Variants in ARHGAP24 observed in about 807,000 individuals in gnomAD.
The protein encoded by ARHGAP24 is Rho GTPase activating protein 24, also known as rho GTPase-activating protein 24.
In ARHGAP24, 50 loss-of-function variants were observed where a neutral mutation model predicts 76.4. That is an observed-to-expected ratio of 0.65 (90% CI 0.52 to 0.83). The LOEUF is 0.83. Among genes scored for constraint, ARHGAP24 ranks in the 40% least tolerant of loss-of-function variants. The pLI, the probability that ARHGAP24 is intolerant of heterozygous loss-of-function variation, is 0.00. For synonymous variants in ARHGAP24, 345 were observed against 323.3 expected (o/e 1.07, Z -0.72); for missense variants, 930 against 914.2 (o/e 1.02, Z -0.22).
chr4:85,826,167 G>A (rs779474846), intron 3 of ARHGAP24, among the ~76,000 whole-genome samples: 2 of 151,496 alleles, frequency 1.3e-5, no homozygotes, highest in Non-Finnish European at 2.9e-5. Flanking sequence ...TCCACAACTC[G>A]ACCTCTAAAA....
intron 2 of ARHGAP24, among the ~76,000 whole-genome samples, chr4:85,664,405 C>G (rs973888469): frequency 5.3e-5 from 8 of 151,060 alleles, no homozygotes; most frequent in African/African-American, 2.0e-4. Context: ...TCTCTCTTTT[C>G]TTCTGTATTA....
At chr4:85,685,237 T>G (rs192479297) in intron 2 of ARHGAP24, among the ~76,000 whole-genome samples, 1 of 152,308 alleles carries the variant, frequency 6.6e-6, no homozygotes, top group East Asian at 1.9e-4. Context: ...TTCAACCTTA[T>G]AACTCCTGCC....
At chr4:85,586,306 T>C (rs1277567759) in intron 2 of ARHGAP24, among the ~76,000 whole-genome samples, 2 of 152,166 alleles carry the variant, frequency 1.3e-5, no homozygotes, top group Non-Finnish European at 2.9e-5. Flanking sequence ...AAAGGAATCT[T>C]TGTTCATACT....
intron 1 of ARHGAP24, among the ~76,000 whole-genome samples, chr4:85,540,057 T>C (rs1453464967): frequency 1.3e-5 from 2 of 151,640 alleles, no homozygotes; most frequent in Non-Finnish European, 2.9e-5. Flanking sequence ...AATAAATAAA[T>C]ACATAATAAA....
chr4:85,622,358 G>C (rs1030129195), intron 2 of ARHGAP24, among the ~76,000 whole-genome samples: 1 of 148,532 alleles, frequency 6.7e-6, no homozygotes, highest in Non-Finnish European at 1.5e-5. Context: ...TTGGTTTTTT[G>C]TCCTTGCGAT....
chr4:85,875,040 T>TTATGTATATATAATATATTA (rs554669913), intron 3 of ARHGAP24, among the ~76,000 whole-genome samples: 1 of 42,858 alleles, frequency 2.3e-5, no homozygotes, highest in Non-Finnish European at 3.9e-5. Context: ...ATATACTATA[T>TTATGTATATATAATATATTA]TATTTATATA....
chr4:85,670,867 T>C (rs569811458), intron 2 of ARHGAP24, among the ~76,000 whole-genome samples: 9 of 152,206 alleles, frequency 5.9e-5, no homozygotes, highest in South Asian at 2.1e-4. Flanking sequence ...CTCAGGCAGT[T>C]CTCAAACAGG....
intron 3 of ARHGAP24, among the ~76,000 whole-genome samples, chr4:85,873,538 G>A (rs1732659321): frequency 6.6e-6 from 1 of 152,190 alleles, no homozygotes; most frequent in African/African-American, 2.4e-5. Context: ...AGCTCATACG[G>A]TAGTAGAGGC....
At chr4:85,685,563 G>A (rs1456722869) in intron 2 of ARHGAP24, among the ~76,000 whole-genome samples, 2 of 151,420 alleles carry the variant, frequency 1.3e-5, no homozygotes, top group African/African-American at 2.4e-5. Context: ...AACCCAGGAG[G>A]TGGAGTTTGC....
intron 2 of ARHGAP24, among the ~76,000 whole-genome samples, chr4:85,721,022 G>A (rs770426232): frequency 7.9e-5 from 12 of 152,114 alleles, no homozygotes; most frequent in Admixed American, 7.2e-4. Context: ...GGAAGTCAAA[G>A]TACTTTTTTT....
chr4:85,641,449 A>T (rs1248642414), intron 2 of ARHGAP24, among the ~76,000 whole-genome samples: 1 of 152,180 alleles, frequency 6.6e-6, no homozygotes, highest in African/African-American at 2.4e-5. Flanking sequence ...AGGTATTTTC[A>T]GGGTTGATTC....
chr4:85,648,966 CACATATGTGCATTCAG>C (rs1222319809), intron 2 of ARHGAP24, among the ~76,000 whole-genome samples: 6 of 151,720 alleles, frequency 4.0e-5, no homozygotes, highest in Non-Finnish European at 7.4e-5. Context: ...AGAACTGTGT[CACATATGTGCATTCAG>C]AACTTTGGGT....
At chr4:85,541,849 TCAAACAATG>T (rs1308734444) in intron 1 of ARHGAP24, among the ~76,000 whole-genome samples, 10 of 152,144 alleles carry the variant, frequency 6.6e-5, no homozygotes, top group African/African-American at 2.4e-4. Context: ...GAGTTGGACC[TCAAACAATG>T]AGCTTTTATT....
rs1352086556 is a variant in ARHGAP24 at position 85,564,883 on chromosome 4, C to T, written c.-20-5639C>T. On this transcript the variant is annotated intron_variant, in intron 1 of 9. Coordinates refer to ENST00000395184, the MANE Select transcript of ARHGAP24 (RefSeq NM_001025616.3). ...CCACAGACTGGTACTGGTCTGTGGCCGAGGGGGTTGGGGACCCCTGCTCTA... is the reference window on the plus strand; with the variant it reads ...CCACAGACTGGTACTGGTCTGTGGCTGAGGGGGTTGGGGACCCCTGCTCTA... 5.2e-5 allele frequency among the ~76,000 whole-genome samples: 7 copies of T among 134,002 alleles called. No individual in the cohort carries two copies. In the South Asian group the frequency reaches 9.8e-4, roughly 19 times the overall value. The allele number at this position is 134,002 out of a possible 152,430, so 87.9% of individuals were successfully genotyped here.
At chr4:85,649,986 A>G (rs370120421) in intron 2 of ARHGAP24, among the ~76,000 whole-genome samples, 4 of 152,278 alleles carry the variant, frequency 2.6e-5, no homozygotes, top group African/African-American at 9.6e-5. Flanking sequence ...CAATGGAGAA[A>G]TAAGGACAAA....
chr4:85,693,261 C>T (rs537905062), intron 2 of ARHGAP24, among the ~76,000 whole-genome samples: 1 of 152,278 alleles, frequency 6.6e-6, no homozygotes, highest in South Asian at 2.1e-4. Context: ...TGGGGGAGCA[C>T]CCTCCAATCA....
intron 1 of ARHGAP24, among the ~76,000 whole-genome samples, chr4:85,484,534 T>C (rs946262048): frequency 1.2e-4 from 18 of 152,166 alleles, no homozygotes; most frequent in African/African-American, 4.3e-4. Flanking sequence ...TATTTGTTGA[T>C]TGTACGTCAT....
At chr4:85,558,776 A>T (rs549364267) in intron 1 of ARHGAP24, among the ~76,000 whole-genome samples, 2 of 152,368 alleles carry the variant, frequency 1.3e-5, no homozygotes, top group East Asian at 3.9e-4. Context: ...GGAAATCATT[A>T]AGTACCTCGG....
rs1026048278 is a variant in ARHGAP24 at position 85,977,645 on chromosome 4, T to G, written c.882T>G (p.Pro294=). Residue 294 remains proline, a synonymous_variant, in exon 8 of 10, where the codon CCT becomes CCG. Transcript: ENST00000395184. Reference sequence around the variant, plus strand: ...AGAACTTGGCAACGGTCTTTGGTCCTAATATCCTGCGCCCCAAAGTGGAAG... The same window carrying G: ...AGAACTTGGCAACGGTCTTTGGTCCGAATATCCTGCGCCCCAAAGTGGAAG... ...SVQNLATVFG[P]NILRPKVEDP... is the part of the protein sequence containing the mutation. 19 of 1,613,828 alleles carry G rather than the reference T, an allele frequency of 1.2e-5. No homozygotes were observed. The Admixed American group carries it at 2.2e-4, about 18-fold the overall frequency.
Sources: allele counts gnomAD v4.1 joint callset (sites outside exome capture counted in the v4.1 genomes callset), GRCh38; gene constraint gnomAD v4.1.1; transcripts MANE v1.5; gene names NCBI Gene and HGNC (gene_info 2026-07-23, HGNC 2026-07-21).